KALRN: variants seen among roughly 807,000 people sequenced by gnomAD.
KALRN encodes the protein kalirin RhoGEF kinase.
A neutral mutation model predicts 353.7 loss-of-function variants in KALRN; 70 were observed. The ratio of observed to expected loss-of-function variants is 0.20; its 90% CI spans 0.16 to 0.24. The LOEUF (loss-of-function observed/expected upper bound fraction) is 0.24. Among genes scored for constraint, KALRN ranks in the 10% least tolerant of loss-of-function variants. The pLI is 1.00. For synonymous variants in KALRN, 1,391 were observed against 1,434.8 expected, an observed-to-expected ratio of 0.97 and a Z score of 0.69; for missense variants, 2,791 against 3,756.7, an observed-to-expected ratio of 0.74 and a Z score of 6.72.
intron 24 of KALRN, 30 bp from the exon 25 acceptor site, chr3:124,462,494 G>A (rs373027152): frequency 1.5e-6 from 2 of 1,306,888 alleles, no homozygotes; most frequent in Admixed American, 1.7e-5. Context: ...TGCCAGACTT[G>A]CCAGTGATGA....
At chr3:124,232,721 G>GA (rs2079304825) in intron 2 of KALRN, among the ~76,000 whole-genome samples, 1 of 152,124 alleles carries the variant, frequency 6.6e-6, no homozygotes, top group East Asian at 1.9e-4. Flanking sequence ...TGGATGTGGG[G>GA]AATTAGAATT....
intron 23 of KALRN, among the ~76,000 whole-genome samples, chr3:124,457,275 G>A (rs1281756935): frequency 6.6e-5 from 10 of 152,038 alleles, no homozygotes; most frequent in African/African-American, 2.2e-4. Flanking sequence ...TCACCATGTT[G>A]GCCAGGCTGG....
At chr3:124,513,123 T>C (rs2066134308) in intron 33 of KALRN, among the ~76,000 whole-genome samples, 1 of 152,054 alleles carries the variant, frequency 6.6e-6, no homozygotes, top group African/African-American at 2.4e-5. Context: ...CAACTTTGTT[T>C]GGTTGTGAAG....
intron 3 of KALRN, among the ~76,000 whole-genome samples, chr3:124,239,295 A>C (rs2080156335): frequency 6.6e-6 from 1 of 152,222 alleles, no homozygotes; most frequent in African/African-American, 2.4e-5. Flanking sequence ...GGAGTTGACG[A>C]AATGCTTGAA....
In KALRN at chr3:124,325,866, C is replaced by T. The variant is rs41264649; in HGVS notation, c.1093-114C>T. On this transcript the variant is annotated intron_variant, in intron 6 of 59. Coordinates refer to ENST00000682506, the MANE Select transcript of KALRN (RefSeq NM_001388419.1). Reference sequence around the variant, plus strand: ...AATACACTAGTATGGACTGTACCAGCGTCTCTCAGACTTTTGTTTTGGGCA... The same window carrying T: ...AATACACTAGTATGGACTGTACCAGTGTCTCTCAGACTTTTGTTTTGGGCA... 6,779 of 773,354 alleles carry T rather than the reference C, an allele frequency of 8.8e-3. 35 individuals are homozygous for T. The highest frequency in any genetic ancestry group is 0.013 in the Non-Finnish European group (5,960 of 460,876). The allele number at this position is 773,354 out of a possible 1,614,324, so 47.9% of individuals were successfully genotyped here. A position where few individuals can be genotyped will look rare whatever the true frequency, so the allele number is the denominator to read the frequency against.
intron 10 of KALRN, among the ~76,000 whole-genome samples, chr3:124,382,438 G>T (rs768030818): frequency 1.2e-4 from 18 of 151,926 alleles, no homozygotes; most frequent in Non-Finnish European, 5.9e-5. Flanking sequence ...GTACTTTTGG[G>T]GTGCTTACAA....
intron 5 of KALRN, among the ~76,000 whole-genome samples, chr3:124,280,862 C>A (rs887067077): frequency 2.0e-5 from 3 of 152,078 alleles, no homozygotes; most frequent in Non-Finnish European, 4.4e-5. Flanking sequence ...GGGAAAAGCC[C>A]AACTCAAGGG....
At chr3:124,467,929 G>T (rs1369989522) in intron 25 of KALRN, among the ~76,000 whole-genome samples, 2 of 152,084 alleles carry the variant, frequency 1.3e-5, no homozygotes, top group African/African-American at 4.8e-5. Flanking sequence ...GGCAATGACG[G>T]TGGGAGGGTG....
intron 15 of KALRN, 62 bp from the exon 16 acceptor site, chr3:124,430,594 G>A (rs547320254): frequency 9.6e-5 from 153 of 1,591,936 alleles, no homozygotes; most frequent in Non-Finnish European, 1.3e-4. Flanking sequence ...CATGAGAGGA[G>A]GCAACAGCTC....
rs1297362154 is a variant in KALRN, at chr3:124,488,239, G to A, written c.4320G>A (p.Glu1440=). 6 of 1,613,694 alleles carry A rather than the reference G, an allele frequency of 3.7e-6. No homozygotes were observed. The Admixed American group carries it at 6.7e-5, about 18-fold the overall frequency. ...LLTCCEEGKG[E]LKDGLEVMLS... Reference sequence around the variant, plus strand: ...CTTGCTGTGAAGAAGGGAAAGGGGAGCTCAAGGATGGCCTGGAGGTGATGC... The same window carrying A: ...CTTGCTGTGAAGAAGGGAAAGGGGAACTCAAGGATGGCCTGGAGGTGATGC... The change falls in exon 29 of 60, where the codon GAG becomes GAA. Residue 1440 remains glutamate (E), a synonymous_variant. Coordinates refer to ENST00000682506, the MANE Select transcript of KALRN (RefSeq NM_001388419.1).
chr3:124,646,391 CT>C (rs10673161), intron 37 of KALRN, among the ~76,000 whole-genome samples: 1,443 of 110,456 alleles, frequency 0.013, 77 homozygotes, highest in African/African-American at 0.042. Context: ...CTTTTGTTTA[CT>C]TTTTTTTTTT....
intron 33 of KALRN, among the ~76,000 whole-genome samples, chr3:124,555,734 A>C (rs1361779712): frequency 2.6e-5 from 4 of 152,174 alleles, no homozygotes; most frequent in Non-Finnish European, 4.4e-5. Context: ...GCAATAATTC[A>C]TGGAATTTAT....
At chr3:124,323,333 TG>T (rs1390920585) in intron 6 of KALRN, among the ~76,000 whole-genome samples, 1 of 152,184 alleles carries the variant, frequency 6.6e-6, no homozygotes, top group African/African-American at 2.4e-5. Flanking sequence ...TGGAAGCACT[TG>T]CTTCATTTTG....
intron 1 of KALRN, among the ~76,000 whole-genome samples, chr3:124,175,862 C>A (rs769268768): frequency 2.6e-5 from 4 of 152,188 alleles, no homozygotes; most frequent in Admixed American, 6.5e-5. Flanking sequence ...TCTAGCTGTC[C>A]TCTCTGAGAC....
At chr3:124,530,888 A>G (rs1305306007) in intron 33 of KALRN, among the ~76,000 whole-genome samples, 1 of 152,200 alleles carries the variant, frequency 6.6e-6, no homozygotes, top group Admixed American at 6.5e-5. Context: ...ACAAAAGTGA[A>G]TATATCTGTT....
At chr3:124,064,553 A>C (rs1338368824) in intron 1 of KALRN, among the ~76,000 whole-genome samples, 1 of 152,172 alleles carries the variant, frequency 6.6e-6, no homozygotes, top group Non-Finnish European at 1.5e-5. Context: ...ACAGTAACTA[A>C]GGCCCGTTGC....
chr3:124,665,235 A>G (rs1359901212), intron 45 of KALRN, among the ~76,000 whole-genome samples: 2 of 152,178 alleles, frequency 1.3e-5, no homozygotes, highest in African/African-American at 4.8e-5. Flanking sequence ...GCTCTCTCTG[A>G]TGTCAGGGTC....
At chr3:124,510,167 T>C (rs2065734740) in intron 33 of KALRN, among the ~76,000 whole-genome samples, 1 of 152,186 alleles carries the variant, frequency 6.6e-6, no homozygotes, top group African/African-American at 2.4e-5. Context: ...ATCTAGAAAC[T>C]GGGACCAAAT....
chr3:124,285,788 G>T (rs1347160519), intron 5 of KALRN, among the ~76,000 whole-genome samples: 1 of 152,048 alleles, frequency 6.6e-6, no homozygotes, highest in Non-Finnish European at 1.5e-5. Context: ...CACCTGCCTG[G>T]GCCTCCCAAA....
Sources: allele counts gnomAD v4.1 joint callset (sites outside exome capture counted in the v4.1 genomes callset), GRCh38; gene constraint gnomAD v4.1.1; transcripts MANE v1.5; gene names NCBI Gene and HGNC (gene_info 2026-07-23, HGNC 2026-07-21).